The following TIMP2 variants were observed in gnomAD, a reference collection of about 807,000 sequenced individuals.
TIMP2 encodes the protein TIMP metallopeptidase inhibitor 2.
Under a neutral mutation model 24.3 loss-of-function variants are expected in TIMP2, and 5 were observed. That is an observed-to-expected ratio of 0.21 (90% CI 0.11 to 0.43). The LOEUF is 0.43. Ranked by LOEUF, TIMP2 falls within the 20% of genes least tolerant of loss-of-function variation. The probability of loss-of-function intolerance (pLI) is 1.00; values close to 1 mark genes in which losing one functional copy is unlikely to be tolerated. For synonymous variants in TIMP2, 130 were observed against 123.2 expected, an observed-to-expected ratio of 1.06 and a Z score of -0.37; for missense variants, 221 against 297.5, an observed-to-expected ratio of 0.74 and a Z score of 1.89.
At chr17:78,870,579 C>T (rs1472721073) in intron 3 of TIMP2, among the ~76,000 whole-genome samples, 3 of 152,072 alleles carry the variant, frequency 2.0e-5, no homozygotes, top group Non-Finnish European at 4.4e-5. Flanking sequence ...GAGCTTTTGG[C>T]CCTCCCGACG....
intron 1 of TIMP2, among the ~76,000 whole-genome samples, chr17:78,911,482 G>A (rs1410007741): frequency 6.6e-6 from 1 of 152,020 alleles, no homozygotes; most frequent in Non-Finnish European, 1.5e-5. Flanking sequence ...CCACGCTGGA[G>A]TGCAGTGGCG....
In TIMP2 at chr17:78,891,580, G is replaced by C. The variant is rs146557082; in HGVS notation, c.131-17661C>G. ...TGGAATCAGCTGGCCACAGCTGCCC[G>C]AGGTCTCTCAGCTTCCCCTCCAGAC... On this transcript the variant is annotated intron_variant, in intron 1 of 4. Transcript: ENST00000262768. The surrounding 1 kb of genome is among the most constrained non-coding windows in gnomAD (Gnocchi z 4.5). 11 of 1,550,702 alleles carry C rather than the reference G, an allele frequency of 7.1e-6. No homozygotes were observed. The African/African-American group carries it at 1.4e-4, about 19-fold the overall frequency.
chr17:78,863,524 C>T (rs2069584267), intron 3 of TIMP2, among the ~76,000 whole-genome samples: 2 of 152,310 alleles, frequency 1.3e-5, no homozygotes, highest in African/African-American at 4.8e-5. Flanking sequence ...TCACAGGCGT[C>T]AGCCACTGCG....
intron 1 of TIMP2, among the ~76,000 whole-genome samples, chr17:78,909,451 C>T (rs983145987): frequency 2.6e-5 from 4 of 151,564 alleles, no homozygotes; most frequent in African/African-American, 4.8e-5. Context: ...ATAATCCCCC[C>T]GGACCTGAAG....
chr17:78,860,580 C>T (rs1305654758), intron 3 of TIMP2, among the ~76,000 whole-genome samples: 2 of 152,198 alleles, frequency 1.3e-5, no homozygotes, highest in South Asian at 4.1e-4. Flanking sequence ...TTCTTATGCT[C>T]GCACTTCCTG....
chr17:78,909,828 G>A (rs192699306), intron 1 of TIMP2, among the ~76,000 whole-genome samples: 4 of 152,060 alleles, frequency 2.6e-5, no homozygotes, highest in East Asian at 1.9e-4. Context: ...GACCCAGGCC[G>A]GGCACTGTGA....
At chr17:78,880,535 C>CA (rs11418083) in intron 1 of TIMP2, among the ~76,000 whole-genome samples, 120,126 of 151,554 alleles carry the variant, frequency 0.79, 47,972 homozygotes, top group Admixed American at 0.83. Context: ...AAACAAAATA[C>CA]AAAAAACAAA....
intron 1 of TIMP2, chr17:78,897,005 C>T (rs1382941376): frequency 1.3e-5 from 13 of 985,216 alleles, no homozygotes; most frequent in African/African-American, 3.5e-5. Flanking sequence ...TTTCCCTGGG[C>T]GGCCGCTCAG....
intron 3 of TIMP2, 143 bp downstream of exon 3, chr17:78,870,755 G>A (rs1283687494): frequency 1.8e-5 from 10 of 555,744 alleles, no homozygotes; most frequent in South Asian, 8.2e-5. Context: ...GGAAGTGGCC[G>A]AGAGGGCTCC....
chr17:78,908,004 G>T (rs1400989270), intron 1 of TIMP2, among the ~76,000 whole-genome samples: 1 of 152,110 alleles, frequency 6.6e-6, no homozygotes, highest in Admixed American at 6.5e-5. Flanking sequence ...GCATAGTGGT[G>T]TGTGTCTGTG....
rs116718516 is a variant in TIMP2 at position 78,863,575 on chromosome 17, C to A, written c.341-5929G>T. Among the ~76,000 whole-genome samples, 627 of 152,238 alleles carry A rather than the reference C, an allele frequency of 4.1e-3. 3 individuals are homozygous for A. The highest frequency in any genetic ancestry group is 0.014 in the African/African-American group (581 of 41,544). ...CTTTTTAACTAAAGCTCTTCAAAAT[C>A]TTTCAATGTCAGCTTTCTACCGAGG... is the stretch of plus-strand genomic sequence containing the variant. On this transcript the variant is annotated intron_variant, in intron 3 of 4. Transcript: ENST00000262768.
At chr17:78,919,605 T>C (rs1168148047) in intron 1 of TIMP2, among the ~76,000 whole-genome samples, 2 of 152,046 alleles carry the variant, frequency 1.3e-5, no homozygotes, top group African/African-American at 2.4e-5. Context: ...GAGGCCGAGG[T>C]GGGCGGATCA....
chr17:78,873,963 C>T (rs938864950), intron 1 of TIMP2, 44 bp from the exon 2 acceptor site: 7 of 1,574,776 alleles, frequency 4.4e-6, no homozygotes, highest in Middle Eastern at 3.3e-4. Context: ...TCCTGAAACA[C>T]GCTCCTGGGG....
At chr17:78,862,998 T>C (rs927801313) in intron 3 of TIMP2, among the ~76,000 whole-genome samples, 2 of 152,234 alleles carry the variant, frequency 1.3e-5, no homozygotes, top group Non-Finnish European at 2.9e-5. Context: ...TCTTTGCTAT[T>C]GCAGATAGTG....
In TIMP2 at chr17:78,874,571, A is replaced by T. The variant is rs570457043; in HGVS notation, c.131-652T>A. Among the ~76,000 whole-genome samples the T allele has an allele frequency of 6.6e-5, 10 of 152,106 alleles. No individual in the cohort carries two copies. In the East Asian group the frequency reaches 1.7e-3, roughly 27 times the overall value. ...TTCCTGACCTGGAAAATGTTCTATGAGTAATTTTTGTTGTTGTTGTTATTG... is the reference window on the plus strand; with the variant it reads ...TTCCTGACCTGGAAAATGTTCTATGTGTAATTTTTGTTGTTGTTGTTATTG... On this transcript the variant is annotated intron_variant, in intron 1 of 4. Transcript: ENST00000262768.
chr17:78,855,758 AAGAAC>A lies in TIMP2; in HGVS notation c.567_571del (p.Lys189AsnfsTer8), dbSNP rs2069520286. ...GCCGTCACTTCTCTTGATGCAGGCG[AAGAAC>A]TTGGCCTGGTGCCCGTTGATGTTCT... On this transcript the variant is annotated frameshift_variant, in exon 5 of 5. Coordinates refer to ENST00000262768, the MANE Select transcript of TIMP2 (RefSeq NM_003255.5). LOFTEE classifies it high-confidence loss of function. This position sits in a 1 kb window ranked among gnomAD's most constrained non-coding sequence, Gnocchi z 6.0. 1 of 1,614,056 alleles carries A rather than the reference AAGAAC, an allele frequency of 6.2e-7. No individual in the cohort carries two copies. The highest frequency in any genetic ancestry group is 8.5e-7 in the Non-Finnish European group (1 of 1,180,034).
intron 1 of TIMP2, among the ~76,000 whole-genome samples, chr17:78,910,294 G>A (rs1363022642): frequency 1.3e-5 from 2 of 151,768 alleles, no homozygotes; most frequent in African/African-American, 4.8e-5. Context: ...CCGGGTTCAA[G>A]CGATTCTCCT....
At chr17:78,864,784 GT>G (rs1310418689) in intron 3 of TIMP2, among the ~76,000 whole-genome samples, 1 of 152,170 alleles carries the variant, frequency 6.6e-6, no homozygotes, top group East Asian at 1.9e-4. Flanking sequence ...GGGTGCAGTG[GT>G]TCAAGCCTGT....
Position 78,873,858 on chromosome 17 carries a change from G to A in TIMP2, c.192C>T (p.Asn64=). 6.2e-7 allele frequency: 1 copy of A among 1,613,326 alleles called. No individual in the cohort carries two copies. Among genetic ancestry groups the A allele is most frequent in the Non-Finnish European group, 8.5e-7 (1 of 1,180,004 alleles). ...TCTCATACTGGATCCTCTTGATAGG[G>A]TTGCCATAAATGTCGTTTCCAGAGT... is the stretch of plus-strand genomic sequence containing the variant. ...EVDSGNDIYG[N]PIKRIQYEIK... is the part of the protein sequence containing the mutation. Residue 64 remains asparagine (N), a synonymous_variant, in exon 2 of 5, where the codon AAC becomes AAT. Transcript: ENST00000262768.
Sources: gnomAD v4.1 joint callset for allele counts (sites outside exome capture counted in the v4.1 genomes callset) on GRCh38, gnomAD v4.1.1 for gene constraint, Gnocchi (gnomAD v3.1) non-coding constraint, MANE v1.5 for transcripts, NCBI Gene and HGNC (gene_info 2026-07-23, HGNC 2026-07-21) for gene names.